Variants in WASL observed in about 807,000 individuals in gnomAD.
The protein encoded by WASL is actin nucleation-promoting factor WASL.
WASL carries 20 observed loss-of-function variants against 55.5 expected under a neutral mutation model. The ratio of observed to expected loss-of-function variants is 0.36; its 90% CI spans 0.25 to 0.52. The LOEUF (loss-of-function observed/expected upper bound fraction) is 0.52, where lower values mean the gene tolerates loss of function less well. Ranked by LOEUF, WASL falls within the 20% of genes least tolerant of loss-of-function variation. The probability of loss-of-function intolerance (pLI) is 0.92; values close to 1 mark genes in which losing one functional copy is unlikely to be tolerated. For synonymous variants in WASL, 249 were observed against 217.6 expected, an observed-to-expected ratio of 1.14 and a Z score of -1.27; for missense variants, 504 against 622.5, an observed-to-expected ratio of 0.81 and a Z score of 2.03.
chr7:123,690,652 G>C (rs1354148644), intron 9 of WASL, among the ~76,000 whole-genome samples: 2 of 151,814 alleles, frequency 1.3e-5, no homozygotes, highest in African/African-American at 2.4e-5. Flanking sequence ...GTTGGGATGG[G>C]AGAAAGTTAT....
intron 1 of WASL, among the ~76,000 whole-genome samples, chr7:123,725,541 T>C (rs1437230528): frequency 6.6e-6 from 1 of 152,160 alleles, no homozygotes; most frequent in African/African-American, 2.4e-5. Context: ...TATGTTTTTT[T>C]CCTCATTAGA....
intron 1 of WASL, among the ~76,000 whole-genome samples, chr7:123,744,422 T>C (rs890790572): frequency 6.6e-6 from 1 of 152,280 alleles, no homozygotes; most frequent in South Asian, 2.1e-4. Context: ...ACAAAAATTA[T>C]AGAAGACTAC....
At chr7:123,705,237 T>G (rs1287020229) in intron 4 of WASL, among the ~76,000 whole-genome samples, 1 of 151,858 alleles carries the variant, frequency 6.6e-6, no homozygotes, top group Non-Finnish European at 1.5e-5. Flanking sequence ...GAAGGCAGAG[T>G]CAATAGGACT....
In WASL at chr7:123,704,653, TTTCTC is replaced by T. The variant is rs772783323; in HGVS notation, c.437-1_440del. ...GCTTACCATTTGGGGGATCTCGTCT[TTTCTC>T]TGTTAGAAAATAAATTAGAAGAATA... On this transcript the variant is annotated splice_acceptor_variant and coding_sequence_variant, in exon 5 of 11. Transcript: ENST00000223023. LOFTEE classifies it high-confidence loss of function. 1 of 1,492,208 alleles carries T rather than the reference TTTCTC, an allele frequency of 6.7e-7. No individual in the cohort carries two copies. The highest frequency in any genetic ancestry group is 2.3e-5 in the East Asian group (1 of 42,600). 92.4% of individuals were successfully genotyped at this position (1,492,208 alleles called of 1,614,324 possible). A position where few individuals can be genotyped will look rare whatever the true frequency, so the allele number is the denominator to read the frequency against.
intron 5 of WASL, among the ~76,000 whole-genome samples, chr7:123,702,316 A>G (rs1330649985): frequency 3.3e-5 from 5 of 152,142 alleles, no homozygotes; most frequent in Admixed American, 2.6e-4. Context: ...TCAGCCTCCC[A>G]AAGTGCTGGG....
intron 1 of WASL, among the ~76,000 whole-genome samples, chr7:123,715,680 T>C (rs1486662116): frequency 2.6e-5 from 4 of 152,134 alleles, no homozygotes; most frequent in Non-Finnish European, 4.4e-5. Context: ...CTTTATTATA[T>C]ACAAAAGCCA....
At chr7:123,712,155 T>C (rs1481079424) in intron 1 of WASL, among the ~76,000 whole-genome samples, 1 of 152,122 alleles carries the variant, frequency 6.6e-6, no homozygotes, top group Non-Finnish European at 1.5e-5. Flanking sequence ...TTTTGGTTTG[T>C]TTGGTTTTTT....
intron 10 of WASL, 25 bp from the exon 11 acceptor site, chr7:123,684,605 A>T: frequency 6.7e-7 from 1 of 1,497,458 alleles, no homozygotes; most frequent in Middle Eastern, 1.7e-4. Flanking sequence ...AGACAATTAA[A>T]ACATATGCAT....
intron 7 of WASL, 111 bp downstream of exon 7, chr7:123,695,712 G>T: frequency 9.9e-7 from 1 of 1,011,020 alleles, no homozygotes; most frequent in Non-Finnish European, 1.5e-6. Context: ...TAAAACACAA[G>T]CACATTCAAA....
At chr7:123,746,963 G>A (rs1014581201) in intron 1 of WASL, among the ~76,000 whole-genome samples, 4 of 152,168 alleles carry the variant, frequency 2.6e-5, no homozygotes, top group African/African-American at 9.7e-5. Flanking sequence ...TTCATTGGAG[G>A]TAACTAACAT....
At chr7:123,685,345 T>A (rs1451124663) in intron 10 of WASL, among the ~76,000 whole-genome samples, 1 of 151,992 alleles carries the variant, frequency 6.6e-6, no homozygotes, top group South Asian at 2.1e-4. Context: ...TTCTCTCATA[T>A]GTACTCTCCC....
chr7:123,743,280 T>C (rs1394316889), intron 1 of WASL, among the ~76,000 whole-genome samples: 1 of 146,166 alleles, frequency 6.8e-6, no homozygotes, highest in Non-Finnish European at 1.5e-5. Context: ...GAGGTTGCAG[T>C]GAGCCGAGAT....
chr7:123,687,911 T>G (rs936537653), intron 10 of WASL, among the ~76,000 whole-genome samples: 1 of 152,134 alleles, frequency 6.6e-6, no homozygotes, highest in Non-Finnish European at 1.5e-5. Flanking sequence ...AAAAGGAAGG[T>G]AACATTTATT....
At chr7:123,729,595 T>C (rs1804106385) in intron 1 of WASL, among the ~76,000 whole-genome samples, 1 of 152,192 alleles carries the variant, frequency 6.6e-6, no homozygotes, top group South Asian at 2.1e-4. Flanking sequence ...TGTAAAGTTA[T>C]GGAATAAAGA....
At chr7:123,730,043 T>C (rs1584871260) in intron 1 of WASL, among the ~76,000 whole-genome samples, 1 of 152,084 alleles carries the variant, frequency 6.6e-6, no homozygotes, top group Non-Finnish European at 1.5e-5. Context: ...GGAGAGAGTA[T>C]AGTGAAAGAG....
Position 123,726,793 on chromosome 7 carries a change from G to A in WASL, c.118-17570C>T, listed in dbSNP as rs867182402. Among the ~76,000 whole-genome samples the A allele has an allele frequency of 4.6e-5, 7 of 152,244 alleles. No homozygotes were observed. In the South Asian group the frequency reaches 6.2e-4, roughly 14 times the overall value. ...AAGCAAGAGAATCACTTGAACCCAT[G>A]AGGCAGAGGTTGCAGTGAGCCAAGA... is the stretch of plus-strand genomic sequence containing the variant. On this transcript the variant is annotated intron_variant, in intron 1 of 10. Transcript: ENST00000223023.
intron 1 of WASL, among the ~76,000 whole-genome samples, chr7:123,747,944 G>A (rs1053405952): frequency 6.6e-6 from 1 of 152,014 alleles, no homozygotes; most frequent in African/African-American, 2.4e-5. Flanking sequence ...CCTGCGCATG[G>A]CTGCGGGGAG....
chr7:123,730,154 T>A (rs1347506433), intron 1 of WASL, among the ~76,000 whole-genome samples: 7 of 152,122 alleles, frequency 4.6e-5, no homozygotes, highest in Non-Finnish European at 1.0e-4. Context: ...GAGAAATAAT[T>A]TTTCAACTGA....
rs1455126301 is a variant in WASL at position 123,683,328 on chromosome 7, CCATTT to C, written c.*1186_*1190del. On this transcript the variant is annotated 3_prime_UTR_variant, in exon 11 of 11. Transcript: ENST00000223023. ...GCAAAGAAACCCTAATTTTAACACA[CCATTT>C]AGTATGCATAACAAATGTGCAGGTT... is the stretch of plus-strand genomic sequence containing the variant. The C allele has an allele frequency of 6.6e-6, 1 of 151,626 alleles. No homozygotes were observed. The highest frequency in any genetic ancestry group is 1.5e-5 in the Non-Finnish European group (1 of 67,896). The allele number at this position is 151,626 out of a possible 1,614,324, so 9.4% of individuals were successfully genotyped here. A position where few individuals can be genotyped will look rare whatever the true frequency, so the allele number is the denominator to read the frequency against.
Sources: allele counts gnomAD v4.1 joint callset (sites outside exome capture counted in the v4.1 genomes callset), GRCh38; gene constraint gnomAD v4.1.1; transcripts MANE v1.5; gene names NCBI Gene and HGNC (gene_info 2026-07-23, HGNC 2026-07-21).